CALN1: variants seen among roughly 807,000 people sequenced by gnomAD.
CALN1 encodes calcium-binding protein 8.
In CALN1, 17 loss-of-function variants were observed where a neutral mutation model predicts 30.6. The ratio of observed to expected loss-of-function variants is 0.56; its 90% CI spans 0.38 to 0.83. The LOEUF (loss-of-function observed/expected upper bound fraction) is 0.83. CALN1 is among the 40% of genes least tolerant of loss of function. The pLI, the probability that CALN1 is intolerant of heterozygous loss-of-function variation, is 0.00. For missense variants in CALN1, 291 were observed against 354.9 expected (o/e 0.82, Z 1.45); for synonymous variants, 156 against 131.4 (o/e 1.19, Z -1.28).
intron 6 of CALN1, among the ~76,000 whole-genome samples, chr7:71,803,949 CGTGTGTGT>C (rs56094367): frequency 1.9e-4 from 28 of 149,842 alleles, no homozygotes; most frequent in Admixed American, 4.0e-4. Context: ...TATGTGTGTG[CGTGTGTGT>C]GTGTGTGTGT....
At chr7:71,838,885 G>GA (rs1233917565) in intron 5 of CALN1, among the ~76,000 whole-genome samples, 2 of 152,064 alleles carry the variant, frequency 1.3e-5, no homozygotes, top group Non-Finnish European at 2.9e-5. Flanking sequence ...ACTGAACTGT[G>GA]AGTCAATTAA....
intron 1 of CALN1, among the ~76,000 whole-genome samples, chr7:72,431,342 G>A (rs1807970558): frequency 1.3e-5 from 2 of 152,184 alleles, no homozygotes; most frequent in South Asian, 2.1e-4. Context: ...AAAACTGAGG[G>A]TTTGGGGGAA....
intron 5 of CALN1, among the ~76,000 whole-genome samples, chr7:71,998,971 A>G (rs974436320): frequency 2.0e-5 from 3 of 152,216 alleles, no homozygotes; most frequent in Admixed American, 2.0e-4. Context: ...ACAGAAAAAA[A>G]TTAATAAAAT....
intron 2 of CALN1, among the ~76,000 whole-genome samples, chr7:72,377,095 T>C (rs908470932): frequency 2.0e-5 from 3 of 152,200 alleles, no homozygotes; most frequent in African/African-American, 7.2e-5. Flanking sequence ...ACTGTAGCCT[T>C]GTAGTAAGTT....
In CALN1 at chr7:71,966,444, C is replaced by G. The variant is rs183670656; in HGVS notation, c.501+57213G>C. Among the ~76,000 whole-genome samples, 224 of 152,202 alleles carry G rather than the reference C, an allele frequency of 1.5e-3. 1 individual carries two copies. Among genetic ancestry groups the G allele is most frequent in the African/African-American group, 5.0e-3 (206 of 41,540 alleles). On this transcript the variant is annotated intron_variant, in intron 5 of 6. Coordinates refer to ENST00000395275, the MANE Select transcript of CALN1 (RefSeq NM_031468.4). ...GGTGGATTTCTTATGAATGATTTAG[C>G]ATCATCCTTCTGGTACTGTCCTCTT...
At chr7:72,328,257 C>T (rs1234338991) in intron 2 of CALN1, among the ~76,000 whole-genome samples, 2 of 152,134 alleles carry the variant, frequency 1.3e-5, no homozygotes, top group African/African-American at 4.8e-5. Flanking sequence ...ATAATACTCA[C>T]GTATCAAGGG....
intron 2 of CALN1, among the ~76,000 whole-genome samples, chr7:72,283,667 T>A (rs765634768): frequency 6.6e-6 from 1 of 152,202 alleles, no homozygotes; most frequent in Non-Finnish European, 1.5e-5. Context: ...ATGAATTAGA[T>A]TGATGCCTGG....
At chr7:72,344,125 G>A (rs1177941402) in intron 2 of CALN1, among the ~76,000 whole-genome samples, 1 of 152,048 alleles carries the variant, frequency 6.6e-6, no homozygotes, top group Admixed American at 6.6e-5. Flanking sequence ...GAAAGGAAGA[G>A]AGAGACAGGG....
chr7:72,438,183 T>C (rs968123017), intron 1 of CALN1, among the ~76,000 whole-genome samples: 14 of 151,968 alleles, frequency 9.2e-5, no homozygotes, highest in Non-Finnish European at 1.0e-4. Flanking sequence ...GGTCTCGCTA[T>C]GGTGCCAGGC....
chr7:72,205,554 A>ATATACATATATATATATATATC (rs1791785227), intron 3 of CALN1, among the ~76,000 whole-genome samples: 1 of 58,368 alleles, frequency 1.7e-5, no homozygotes, highest in Non-Finnish European at 2.7e-5. Flanking sequence ...AAAAAAAAAT[A>ATATACATATATATATATATATC]TATATATATA....
chr7:72,009,800 G>A (rs182755603), intron 5 of CALN1, among the ~76,000 whole-genome samples: 9 of 152,270 alleles, frequency 5.9e-5, no homozygotes, highest in African/African-American at 1.9e-4. Flanking sequence ...TGTAAGACAT[G>A]CCTTTCACCT....
At chr7:72,222,121 G>C (rs908926709) in intron 3 of CALN1, among the ~76,000 whole-genome samples, 2 of 152,054 alleles carry the variant, frequency 1.3e-5, no homozygotes, top group Non-Finnish European at 2.9e-5. Flanking sequence ...AGCTACTTGG[G>C]AGGCTGAGGC....
intron 5 of CALN1, among the ~76,000 whole-genome samples, chr7:71,832,873 T>C (rs2116429477): frequency 6.6e-6 from 1 of 152,254 alleles, no homozygotes; most frequent in South Asian, 2.1e-4. Flanking sequence ...CCCAAAGTGC[T>C]GGGATTACAG....
intron 3 of CALN1, among the ~76,000 whole-genome samples, chr7:72,258,789 G>C (rs1330562372): frequency 1.3e-5 from 2 of 150,374 alleles, no homozygotes; most frequent in Non-Finnish European, 3.0e-5. Context: ...GTGGTGGTGG[G>C]TGCCTGTAAT....
the CALN1 span, among the ~76,000 whole-genome samples, chr7:72,488,257 G>A: frequency 6.6e-6 from 1 of 151,858 alleles, no homozygotes; most frequent in African/African-American, 2.4e-5. Context: ...TGTAGTTTCA[G>A]TTACTTGGGA....
the CALN1 span, among the ~76,000 whole-genome samples, chr7:72,466,321 C>G: frequency 6.6e-6 from 1 of 152,060 alleles, no homozygotes; most frequent in Non-Finnish European, 1.5e-5. Flanking sequence ...TCTGCCTTCC[C>G]GGGTCACTAG....
chr7:71,987,889 C>A (rs1798757472), intron 5 of CALN1, among the ~76,000 whole-genome samples: 1 of 152,092 alleles, frequency 6.6e-6, no homozygotes, highest in Non-Finnish European at 1.5e-5. Context: ...AAGGTGACTG[C>A]ACAGTGCAGG....
intron 5 of CALN1, among the ~76,000 whole-genome samples, chr7:71,929,894 A>G (rs1266032789): frequency 6.6e-6 from 1 of 152,212 alleles, no homozygotes; most frequent in Non-Finnish European, 1.5e-5. Flanking sequence ...TTTTTAGTAC[A>G]GCTGTCCCTC....
intron 5 of CALN1, among the ~76,000 whole-genome samples, chr7:71,827,936 A>C (rs1018499532): frequency 6.6e-6 from 1 of 152,094 alleles, no homozygotes; most frequent in Admixed American, 6.6e-5. Flanking sequence ...GCAAGAGCAA[A>C]GACCATGAGG....
Sources: allele counts gnomAD v4.1 joint callset (sites outside exome capture counted in the v4.1 genomes callset), GRCh38; gene constraint gnomAD v4.1.1; transcripts MANE v1.5; gene names NCBI Gene and HGNC (gene_info 2026-07-23, HGNC 2026-07-21).